The following CSMD1 variants were observed in gnomAD, a reference collection of about 807,000 sequenced individuals.
The protein encoded by CSMD1 is CUB and Sushi multiple domains 1.
Under a neutral mutation model 417.5 loss-of-function variants are expected in CSMD1, and 213 were observed. The observed-to-expected ratio is 0.51, with a 90% CI of 0.46 to 0.57. CSMD1 has a LOEUF of 0.57. Ranked by LOEUF, CSMD1 falls within the 20% of genes least tolerant of loss-of-function variation. The pLI, the probability that CSMD1 is intolerant of heterozygous loss-of-function variation, is 0.00. For synonymous variants in CSMD1, 2,862 were observed against 1,736.8 expected (o/e 1.65, Z -16.11); for missense variants, 6,923 against 4,529.7 (o/e 1.53, Z -15.17).
intron 1 of CSMD1, among the ~76,000 whole-genome samples, chr8:4,688,192 A>T (rs1447348377): frequency 6.6e-6 from 1 of 152,184 alleles, no homozygotes; most frequent in African/African-American, 2.4e-5. Flanking sequence ...TACGAGAGTC[A>T]AGATTCTTTG....
intron 50 of CSMD1, among the ~76,000 whole-genome samples, chr8:3,046,503 T>C (rs1811456270): frequency 1.3e-5 from 2 of 152,294 alleles, no homozygotes; most frequent in African/African-American, 2.4e-5. Flanking sequence ...GCTCAAATCA[T>C]GTCTCCTGAT....
In CSMD1 at chr8:4,163,755, G is replaced by C. The variant is rs150416014; in HGVS notation, c.416-131656C>G. 1.4e-3 allele frequency among the ~76,000 whole-genome samples: 215 copies of C among 152,228 alleles called. 1 individual carries two copies. Among genetic ancestry groups the C allele is most frequent in the African/African-American group, 5.0e-3 (207 of 41,542 alleles). On this transcript the variant is annotated intron_variant, in intron 3 of 69. Coordinates refer to ENST00000635120, the MANE Select transcript of CSMD1 (RefSeq NM_033225.6). ...TAATCAGTAGCACTAATACTGCTAAGCTTACAATTTTGGAAATGTAATGAC... is the reference window on the plus strand; with the variant it reads ...TAATCAGTAGCACTAATACTGCTAACCTTACAATTTTGGAAATGTAATGAC...
At position 3,303,180 on chromosome 8, in the gene CSMD1, C is replaced by T. The variant is rs540807335; in HGVS notation, c.3950+4515G>A. 4.6e-5 allele frequency among the ~76,000 whole-genome samples: 7 copies of T among 152,344 alleles called. No homozygotes were observed. The South Asian group carries it at 1.2e-3, about 27-fold the overall frequency. On this transcript the variant is annotated intron_variant, in intron 25 of 69. Transcript: ENST00000635120. ...TATTCCTGAGTGGCCTCATACCTTT[C>T]TGTCCTGTCAGGAAAATTCTCCAAC...
intron 2 of CSMD1, among the ~76,000 whole-genome samples, chr8:4,531,506 C>A (rs1796816281): frequency 6.6e-6 from 1 of 152,084 alleles, no homozygotes; most frequent in Non-Finnish European, 1.5e-5. Flanking sequence ...TATAACGTCA[C>A]CTGCCCTACA....
At chr8:4,364,433 T>C (rs1293971793) in intron 3 of CSMD1, among the ~76,000 whole-genome samples, 1 of 152,170 alleles carries the variant, frequency 6.6e-6, no homozygotes, top group African/African-American at 2.4e-5. Context: ...GATTCATTTG[T>C]TTTTCATGTT....
chr8:4,826,822 G>A (rs572876893), intron 1 of CSMD1, among the ~76,000 whole-genome samples: 1 of 152,020 alleles, frequency 6.6e-6, no homozygotes, highest in Non-Finnish European at 1.5e-5. Context: ...CAAATCTTAC[G>A]ACTCTATAAC....
chr8:3,449,380 T>C (rs924909031), intron 12 of CSMD1, among the ~76,000 whole-genome samples: 4 of 152,176 alleles, frequency 2.6e-5, no homozygotes, highest in Non-Finnish European at 5.9e-5. Context: ...CAATGTCTCA[T>C]GGGTTGGCTT....
chr8:4,635,586 T>A (rs916914136), intron 2 of CSMD1, among the ~76,000 whole-genome samples: 1 of 152,144 alleles, frequency 6.6e-6, no homozygotes, highest in African/African-American at 2.4e-5. Flanking sequence ...GGTAAAGTCA[T>A]AATTTTAACG....
chr8:3,257,504 G>A (rs58330670), intron 26 of CSMD1, among the ~76,000 whole-genome samples: 4,569 of 152,264 alleles, frequency 0.03, 210 homozygotes, highest in African/African-American at 0.1. Flanking sequence ...GTGACAGTGC[G>A]TTGGGATAAA....
chr8:3,039,334 T>C (rs115640452), intron 50 of CSMD1, among the ~76,000 whole-genome samples: 3,184 of 137,454 alleles, frequency 0.023, 142 homozygotes, highest in African/African-American at 0.099. Context: ...TTCCTTTCTT[T>C]CTTCCTTTCC....
Position 3,540,113 on chromosome 8 carries a change from T to C in CSMD1, c.1344+34832A>G, listed in dbSNP as rs1164008529. Reference sequence around the variant, plus strand: ...GTGATTCTAGTTGCTTGTAGACTTGTTTACGGTCACAGTTTCAATACTTGG... The same window carrying C: ...GTGATTCTAGTTGCTTGTAGACTTGCTTACGGTCACAGTTTCAATACTTGG... On this transcript the variant is annotated intron_variant, in intron 10 of 69. Transcript: ENST00000635120. Among the ~76,000 whole-genome samples the C allele has an allele frequency of 2.0e-5, 3 of 152,324 alleles. No homozygotes were observed. In the South Asian group the frequency reaches 6.2e-4, roughly 32 times the overall value.
intron 54 of CSMD1, among the ~76,000 whole-genome samples, chr8:2,981,518 A>G: frequency 6.6e-6 from 1 of 152,238 alleles, no homozygotes; most frequent in East Asian, 1.9e-4. Flanking sequence ...CCTCATCTTA[A>G]CATCTTAATG....
chr8:4,866,081 C>T (rs1318368112), intron 1 of CSMD1, among the ~76,000 whole-genome samples: 1 of 151,878 alleles, frequency 6.6e-6, no homozygotes, highest in Non-Finnish European at 1.5e-5. Context: ...CCTATGTGAA[C>T]CATCAATAAC....
At chr8:3,433,221 G>T (rs1046692635) in intron 12 of CSMD1, among the ~76,000 whole-genome samples, 3 of 152,162 alleles carry the variant, frequency 2.0e-5, no homozygotes, top group African/African-American at 7.2e-5. Flanking sequence ...TACAGTTGTT[G>T]ACATAGAGAT....
At chr8:3,957,636 G>C (rs539036587) in intron 5 of CSMD1, among the ~76,000 whole-genome samples, 3 of 152,022 alleles carry the variant, frequency 2.0e-5, no homozygotes, top group Non-Finnish European at 2.9e-5. Flanking sequence ...GTGAACTATA[G>C]TCATGCCACT....
At chr8:4,199,848 TC>T (rs1374878158) in intron 3 of CSMD1, among the ~76,000 whole-genome samples, 1 of 152,166 alleles carries the variant, frequency 6.6e-6, no homozygotes, top group Non-Finnish European at 1.5e-5. Context: ...ACAAAACTCT[TC>T]CTTTACAAGG....
intron 2 of CSMD1, among the ~76,000 whole-genome samples, chr8:4,474,726 T>G (rs1800709794): frequency 6.6e-6 from 1 of 152,150 alleles, no homozygotes; most frequent in Non-Finnish European, 1.5e-5. Flanking sequence ...TTCTTCTCCC[T>G]CTGCCATCCG....
At chr8:3,451,236 T>A (rs1055865813) in intron 12 of CSMD1, among the ~76,000 whole-genome samples, 1 of 152,200 alleles carries the variant, frequency 6.6e-6, no homozygotes, top group South Asian at 2.1e-4. Context: ...GATGAGTACA[T>A]TGCAAAACAT....
chr8:4,715,966 G>A (rs934661038), intron 1 of CSMD1, among the ~76,000 whole-genome samples: 1 of 152,172 alleles, frequency 6.6e-6, no homozygotes, highest in Non-Finnish European at 1.5e-5. Flanking sequence ...ATGTGTATCA[G>A]GTCCTGTGAT....
Sources: allele counts gnomAD v4.1 joint callset (sites outside exome capture counted in the v4.1 genomes callset), GRCh38; gene constraint gnomAD v4.1.1; transcripts MANE v1.5; gene names NCBI Gene and HGNC (gene_info 2026-07-23, HGNC 2026-07-21).